Variants in CCSER1 observed in about 807,000 individuals in gnomAD.
The protein encoded by CCSER1 is serine-rich coiled-coil domain-containing protein 1.
CCSER1 carries 41 observed loss-of-function variants against 82.0 expected under a neutral mutation model. That is an observed-to-expected ratio of 0.50 (90% CI 0.39 to 0.65). The LOEUF (loss-of-function observed/expected upper bound fraction) is 0.65. Ranked by LOEUF, CCSER1 falls within the 30% of genes least tolerant of loss-of-function variation. The pLI is 0.00. For synonymous variants in CCSER1, 414 were observed against 383.9 expected (o/e 1.08, Z -0.92); for missense variants, 1,119 against 1,064.2 (o/e 1.05, Z -0.72).
chr4:90,921,547 T>G (rs1383357112), intron 8 of CCSER1, among the ~76,000 whole-genome samples: 2 of 152,006 alleles, frequency 1.3e-5, no homozygotes, highest in Non-Finnish European at 2.9e-5. Context: ...GGTTAGTATA[T>G]TGGTTAATAA....
intron 9 of CCSER1, among the ~76,000 whole-genome samples, chr4:90,987,412 G>C (rs1207723595): frequency 6.6e-6 from 1 of 151,358 alleles, no homozygotes; most frequent in African/African-American, 2.4e-5. Flanking sequence ...CTTTTGTCCT[G>C]TTCTAGACTT....
intron 10 of CCSER1, among the ~76,000 whole-genome samples, chr4:91,480,875 A>G (rs957528542): frequency 6.6e-6 from 1 of 152,162 alleles, no homozygotes; most frequent in African/African-American, 2.4e-5. Flanking sequence ...AAAAACAGGT[A>G]CTCAATCTAT....
chr4:91,345,510 T>A (rs2149292561), intron 10 of CCSER1, among the ~76,000 whole-genome samples: 1 of 152,174 alleles, frequency 6.6e-6, no homozygotes, highest in Non-Finnish European at 1.5e-5. Context: ...GGACTTTTCT[T>A]TTTTAATTAA....
intron 10 of CCSER1, among the ~76,000 whole-genome samples, chr4:91,475,168 A>G (rs1484374280): frequency 1.3e-5 from 2 of 151,410 alleles, no homozygotes; most frequent in Non-Finnish European, 3.0e-5. Flanking sequence ...GTTTTAAAGG[A>G]TGTTGTGTGT....
In CCSER1 at chr4:90,574,251, A is replaced by ATTTTTTTTTTTTTT. The variant is rs777629017; in HGVS notation, c.1725-53759_1725-53746dup. ...CCATATAGCTTGTAGAAACACATTA[A>ATTTTTTTTTTTTTT]TTTTTTTTTTTTTTTTTTTTTTTTT... is the stretch of plus-strand genomic sequence containing the variant. On this transcript the variant is annotated intron_variant, in intron 5 of 10. Coordinates refer to ENST00000509176, the MANE Select transcript of CCSER1 (RefSeq NM_001145065.2). Among the ~76,000 whole-genome samples, 27 of 86,076 alleles carry ATTTTTTTTTTTTTT rather than the reference A, an allele frequency of 3.1e-4. 1 individual carries two copies. The highest frequency in any genetic ancestry group is 1.5e-3 in the African/African-American group (25 of 16,460). The allele number at this position is 86,076 out of a possible 152,430, so 56.5% of individuals were successfully genotyped here. A position where few individuals can be genotyped will look rare whatever the true frequency, so the allele number is the denominator to read the frequency against.
At chr4:91,354,819 A>G (rs901230471) in intron 10 of CCSER1, among the ~76,000 whole-genome samples, 3 of 152,238 alleles carry the variant, frequency 2.0e-5, no homozygotes, top group Non-Finnish European at 2.9e-5. Flanking sequence ...AGACTGGGCT[A>G]CATGCTCGGC....
At chr4:90,630,128 T>A (rs1167893221) in intron 6 of CCSER1, among the ~76,000 whole-genome samples, 1 of 109,268 alleles carries the variant, frequency 9.2e-6, no homozygotes, top group East Asian at 2.8e-4. Flanking sequence ...ACTATGTGTA[T>A]AACTGTATGA....
intron 4 of CCSER1, among the ~76,000 whole-genome samples, chr4:90,465,983 A>G (rs1008744670): frequency 1.3e-5 from 2 of 152,214 alleles, no homozygotes; most frequent in Admixed American, 1.3e-4. Context: ...AGGAATATAT[A>G]AATTGAAGTA....
intron 8 of CCSER1, among the ~76,000 whole-genome samples, chr4:90,871,026 T>A (rs1766417630): frequency 6.6e-6 from 1 of 151,230 alleles, no homozygotes; most frequent in African/African-American, 2.4e-5. Context: ...TCTGTTGTAA[T>A]GTCTCCTTTT....
At chr4:90,434,686 T>C (rs1191088782) in intron 4 of CCSER1, among the ~76,000 whole-genome samples, 1 of 152,022 alleles carries the variant, frequency 6.6e-6, no homozygotes, top group African/African-American at 2.4e-5. Flanking sequence ...GAAAGGAAGA[T>C]GGGAGATGAG....
At chr4:90,454,744 G>C (rs1761960809) in intron 4 of CCSER1, among the ~76,000 whole-genome samples, 1 of 152,144 alleles carries the variant, frequency 6.6e-6, no homozygotes, top group Non-Finnish European at 1.5e-5. Context: ...TGATTCAAAA[G>C]TAACATAATG....
At chr4:90,542,902 T>C (rs900124955) in intron 5 of CCSER1, among the ~76,000 whole-genome samples, 12 of 152,126 alleles carry the variant, frequency 7.9e-5, no homozygotes, top group African/African-American at 2.9e-4. Flanking sequence ...GTCTGGAGAA[T>C]GAGGAAAAGG....
At chr4:91,002,525 G>T (rs1314903807) in intron 9 of CCSER1, among the ~76,000 whole-genome samples, 1 of 152,092 alleles carries the variant, frequency 6.6e-6, no homozygotes, top group Admixed American at 6.5e-5. Context: ...TATTCTGCTT[G>T]CTCCAGTCTG....
intron 10 of CCSER1, among the ~76,000 whole-genome samples, chr4:91,553,390 A>G (rs1762252509): frequency 6.6e-6 from 1 of 151,572 alleles, no homozygotes; most frequent in South Asian, 2.1e-4. Context: ...TGGCTATGGT[A>G]TCAGGGTCAT....
Position 91,551,576 on chromosome 4 carries a change from G to A in CCSER1, c.2218-46996G>A, listed in dbSNP as rs1417533763. Among the ~76,000 whole-genome samples the A allele has an allele frequency of 2.0e-5, 3 of 151,382 alleles. No homozygotes were observed. The East Asian group carries it at 5.8e-4, about 29-fold the overall frequency. ...TTATTAACACCAATTTATGACGAAA[G>A]CTGAGCTTGTATAGGCTCTAAATGT... On this transcript the variant is annotated intron_variant, in intron 10 of 10. Coordinates refer to ENST00000509176, the MANE Select transcript of CCSER1 (RefSeq NM_001145065.2).
chr4:91,177,103 T>C (rs1178372268), intron 10 of CCSER1, among the ~76,000 whole-genome samples: 1 of 152,204 alleles, frequency 6.6e-6, no homozygotes, highest in Non-Finnish European at 1.5e-5. Context: ...TCGGTTCTGT[T>C]TATATGATGG....
chr4:91,002,600 A>AT (rs556005576), intron 9 of CCSER1, among the ~76,000 whole-genome samples: 11 of 151,926 alleles, frequency 7.2e-5, no homozygotes, highest in East Asian at 1.9e-4. Flanking sequence ...TGAAGTTTTA[A>AT]TTTTTTTTAA....
At chr4:90,336,747 A>G (rs535210838) in intron 3 of CCSER1, among the ~76,000 whole-genome samples, 6 of 152,292 alleles carry the variant, frequency 3.9e-5, no homozygotes, top group East Asian at 3.9e-4. Flanking sequence ...TGGTGCGTGT[A>G]TACTTTGCTA....
intron 7 of CCSER1, among the ~76,000 whole-genome samples, chr4:90,800,881 A>T (rs947203016): frequency 4.6e-5 from 7 of 152,190 alleles, no homozygotes; most frequent in African/African-American, 1.7e-4. Context: ...TTAAATTTTA[A>T]ATTTTATGAA....
Sources: allele counts gnomAD v4.1 joint callset (sites outside exome capture counted in the v4.1 genomes callset), GRCh38; gene constraint gnomAD v4.1.1; transcripts MANE v1.5; gene names NCBI Gene and HGNC (gene_info 2026-07-23, HGNC 2026-07-21).